The following ARIH1 variants were observed in gnomAD, a reference collection of about 807,000 sequenced individuals.
ARIH1 encodes the protein E3 ubiquitin-protein ligase ARIH1.
In ARIH1, 8 loss-of-function variants were observed where a neutral mutation model predicts 85.0. The ratio of observed to expected loss-of-function variants is 0.09; its 90% CI spans 0.06 to 0.17. The LOEUF (loss-of-function observed/expected upper bound fraction) is 0.17, where lower values mean the gene tolerates loss of function less well. Among genes scored for constraint, ARIH1 ranks in the 10% least tolerant of loss-of-function variants. ARIH1 has a pLI of 1.00. For missense variants in ARIH1, 311 were observed against 718.1 expected (o/e 0.43, Z 6.48); for synonymous variants, 238 against 253.6 (o/e 0.94, Z 0.59).
intron 11 of ARIH1, among the ~76,000 whole-genome samples, chr15:72,577,139 T>G (rs575624121): frequency 6.6e-6 from 1 of 151,848 alleles, no homozygotes; most frequent in South Asian, 2.1e-4. Flanking sequence ...TGCGCCACCA[T>G]GCCTGGCTAA....
intron 1 of ARIH1, among the ~76,000 whole-genome samples, chr15:72,493,237 A>G (rs145571926): frequency 6.6e-6 from 1 of 152,318 alleles, no homozygotes; most frequent in East Asian, 1.9e-4. Context: ...GGAGACTAGC[A>G]GTGCAATAAC....
intron 2 of ARIH1, among the ~76,000 whole-genome samples, chr15:72,521,871 T>C (rs898878552): frequency 6.6e-6 from 1 of 152,198 alleles, no homozygotes; most frequent in African/African-American, 2.4e-5. Context: ...TTCTAAAAAA[T>C]ACTTCTTCTG....
chr15:72,555,584 TAACTTA>T (rs1446373526), intron 4 of ARIH1, among the ~76,000 whole-genome samples: 1 of 152,266 alleles, frequency 6.6e-6, no homozygotes, highest in Admixed American at 6.5e-5. Flanking sequence ...TGGTATATGT[TAACTTA>T]AACTTGTTGC....
Position 72,586,403 on chromosome 15 carries a change from T to C in ARIH1, c.*3111T>C, listed in dbSNP as rs565899334. 3 of 152,138 alleles carry C rather than the reference T, an allele frequency of 2.0e-5. No homozygotes were observed. The highest frequency in any genetic ancestry group is 4.4e-5 in the Non-Finnish European group (3 of 68,020). The allele number at this position is 152,138 out of a possible 1,614,324, so 9.4% of individuals were successfully genotyped here. A position where few individuals can be genotyped will look rare whatever the true frequency, so the allele number is the denominator to read the frequency against. On this transcript the variant is annotated 3_prime_UTR_variant, in exon 14 of 14. Coordinates refer to ENST00000379887, the MANE Select transcript of ARIH1 (RefSeq NM_005744.5). ...TTGGTGAGACAATCAGAATGGTAAATTGATTAAATGCTCCTAACCCTGTAA... is the reference window on the plus strand; with the variant it reads ...TTGGTGAGACAATCAGAATGGTAAACTGATTAAATGCTCCTAACCCTGTAA...
intron 8 of ARIH1, 101 bp from the exon 9 acceptor site, chr15:72,567,005 A>G (rs531657845): frequency 5.7e-5 from 47 of 820,186 alleles, no homozygotes; most frequent in Non-Finnish European, 8.8e-5. Context: ...AATCTTATTC[A>G]TTGGCTTTTA....
intron 6 of ARIH1, 32 bp from the exon 7 acceptor site, chr15:72,563,358 CAGCT>C (rs1240588872): frequency 1.3e-6 from 2 of 1,576,940 alleles, no homozygotes; most frequent in Non-Finnish European, 1.7e-6. Context: ...TGTGCCCAGC[CAGCT>C]GTCATTTTTT....
chr15:72,588,047 T>TA lies in ARIH1; in HGVS notation c.*4756dup, dbSNP rs1227428010. ...AGTTTGTATATCAGTCACACATTGATATGTAGCAGCTCTATCAATACCACA... is the reference window on the plus strand; with the variant it reads ...AGTTTGTATATCAGTCACACATTGATAATGTAGCAGCTCTATCAATACCACA... On this transcript the variant is annotated 3_prime_UTR_variant, in exon 14 of 14. Coordinates refer to ENST00000379887, the MANE Select transcript of ARIH1 (RefSeq NM_005744.5). The TA allele has an allele frequency of 3.9e-5, 6 of 152,338 alleles. No homozygotes were observed. Among genetic ancestry groups the TA allele is most frequent in the African/African-American group, 1.4e-4 (6 of 41,582 alleles). 9.4% of individuals were successfully genotyped at this position (152,338 alleles called of 1,614,324 possible). A position where few individuals can be genotyped will look rare whatever the true frequency, so the allele number is the denominator to read the frequency against.
Position 72,474,992 on chromosome 15 carries a change from G to A in ARIH1, c.353G>A (p.Arg118Gln). The A allele has an allele frequency of 1.3e-6, 2 of 1,558,768 alleles. No homozygotes were observed. Among genetic ancestry groups the A allele is most frequent in the Non-Finnish European group, 1.7e-6 (2 of 1,151,080 alleles). The stretch of plus-strand genomic sequence containing the variant: ...CTACAACACATGGTGGAATGTATCC[G>A]GGAGGTCAACGAGGTCATCCAGGTG... ...QILQHMVECI[R>Q]EVNEVIQNPA... Residue 118 changes from arginine (R) to glutamine (Q), a missense_variant, in exon 1 of 14, where the codon CGG (arginine) becomes CAG (glutamine). This residue lies in a region of ARIH1 where 157 missense variants were observed against 185.1 expected (regional missense o/e 0.85). Coordinates refer to ENST00000379887, the MANE Select transcript of ARIH1 (RefSeq NM_005744.5).
At chr15:72,476,283 C>G (rs1012704865) in intron 1 of ARIH1, among the ~76,000 whole-genome samples, 1 of 152,164 alleles carries the variant, frequency 6.6e-6, no homozygotes, top group Non-Finnish European at 1.5e-5. Flanking sequence ...TCTCTGATAT[C>G]TAGTGCCATT....
chr15:72,479,899 G>A (rs1015540220), intron 1 of ARIH1, among the ~76,000 whole-genome samples: 2 of 150,448 alleles, frequency 1.3e-5, no homozygotes, highest in Non-Finnish European at 3.0e-5. Flanking sequence ...ACGGAGTCTC[G>A]CTTTGTTGCC....
At chr15:72,486,665 CTTT>C (rs58018323) in intron 1 of ARIH1, among the ~76,000 whole-genome samples, 1 of 88,456 alleles carries the variant, frequency 1.1e-5, no homozygotes, top group Non-Finnish European at 2.5e-5. Flanking sequence ...CAGAGCCCTA[CTTT>C]TTTTTTTTTT....
At chr15:72,514,906 G>A (rs1253717646) in intron 1 of ARIH1, among the ~76,000 whole-genome samples, 2 of 151,898 alleles carry the variant, frequency 1.3e-5, no homozygotes, top group African/African-American at 4.8e-5. Flanking sequence ...AGAATTGCTT[G>A]AATCCAGGAG....
chr15:72,543,249 C>T (rs962491308), intron 2 of ARIH1, among the ~76,000 whole-genome samples: 5 of 150,784 alleles, frequency 3.3e-5, no homozygotes, highest in African/African-American at 4.9e-5. Context: ...CCCAGCTACT[C>T]GGGAGGCTGA....
intron 8 of ARIH1, 92 bp downstream of exon 8, chr15:72,566,697 T>A: frequency 6.4e-6 from 7 of 1,095,116 alleles, no homozygotes; most frequent in Non-Finnish European, 9.2e-6. Context: ...GTTATCTATC[T>A]ATTGATAGAT....
In ARIH1 at chr15:72,533,447, A is replaced by G. The variant is rs2064067246; in HGVS notation, c.444-11373A>G. Among the ~76,000 whole-genome samples, 4 of 152,322 alleles carry G rather than the reference A, an allele frequency of 2.6e-5. No homozygotes were observed. In the South Asian group the frequency reaches 6.2e-4, roughly 24 times the overall value. On this transcript the variant is annotated intron_variant, in intron 2 of 13. Coordinates refer to ENST00000379887, the MANE Select transcript of ARIH1 (RefSeq NM_005744.5). ...CCCCTGGCTGTTAATATTCACTGAC[A>G]ATGTGATTGTGTATTCACAAACAAT...
chr15:72,518,856 A>G (rs1013623569), intron 2 of ARIH1, among the ~76,000 whole-genome samples: 8 of 151,980 alleles, frequency 5.3e-5, no homozygotes, highest in African/African-American at 1.5e-4. Flanking sequence ...TATTCAGTAG[A>G]AACAAAATTG....
At chr15:72,544,166 T>C (rs2064119331) in intron 2 of ARIH1, among the ~76,000 whole-genome samples, 1 of 152,152 alleles carries the variant, frequency 6.6e-6, no homozygotes, top group Non-Finnish European at 1.5e-5. Context: ...GATACACTTC[T>C]TTGTTTTATT....
chr15:72,506,373 A>AAAAAAAAAAAGAAAAAG (rs1567342019), intron 1 of ARIH1, among the ~76,000 whole-genome samples: 3 of 150,234 alleles, frequency 2.0e-5, no homozygotes, highest in African/African-American at 7.3e-5. Context: ...AAAGAAAAAA[A>AAAAAAAAAAAGAAAAAG]AAAAGAACTT....
chr15:72,540,908 TA>T (rs2064104165), intron 2 of ARIH1, among the ~76,000 whole-genome samples: 1 of 152,160 alleles, frequency 6.6e-6, no homozygotes, highest in Admixed American at 6.5e-5. Flanking sequence ...ACATGCTATC[TA>T]AAGCACAGGA....
Sources: gnomAD v4.1 joint callset for allele counts (sites outside exome capture counted in the v4.1 genomes callset) on GRCh38, gnomAD v4.1.1 for gene constraint, gnomAD v4.1.1 regional missense constraint, MANE v1.5 for transcripts, NCBI Gene and HGNC (gene_info 2026-07-23, HGNC 2026-07-21) for gene names.